The following HS3ST4 variants were observed in gnomAD, a reference collection of about 807,000 sequenced individuals.
The protein encoded by HS3ST4 is heparan sulfate glucosamine 3-O-sulfotransferase 4.
HS3ST4 carries 17 observed loss-of-function variants against 29.2 expected under a neutral mutation model. The ratio of observed to expected loss-of-function variants is 0.58; its 90% CI spans 0.40 to 0.87. The LOEUF is 0.87. Among genes scored for constraint, HS3ST4 ranks in the 40% least tolerant of loss-of-function variants. The pLI is 0.00. For synonymous variants in HS3ST4, 314 were observed against 285.7 expected, an observed-to-expected ratio of 1.10 and a Z score of -1.00; for missense variants, 627 against 634.5, an observed-to-expected ratio of 0.99 and a Z score of 0.13.
intron 1 of HS3ST4, among the ~76,000 whole-genome samples, chr16:25,857,894 T>TTTC (rs1967590845): frequency 1.6e-5 from 1 of 61,782 alleles, no homozygotes; most frequent in African/African-American, 6.4e-5. Flanking sequence ...TTCTTTCTTT[T>TTTC]TCTTTCTTCC....
intron 1 of HS3ST4, among the ~76,000 whole-genome samples, chr16:25,972,514 C>T (rs1023351329): frequency 6.6e-6 from 1 of 152,148 alleles, no homozygotes; most frequent in African/African-American, 2.4e-5. Context: ...TCAGTTACTC[C>T]CAAGCTGTTG....
At chr16:26,129,524 A>G (rs1899389845) in intron 1 of HS3ST4, among the ~76,000 whole-genome samples, 1 of 152,248 alleles carries the variant, frequency 6.6e-6, no homozygotes, top group Non-Finnish European at 1.5e-5. Context: ...GAGTTGTTTT[A>G]AAAATTAATA....
At chr16:25,959,056 T>G (rs1396126416) in intron 1 of HS3ST4, among the ~76,000 whole-genome samples, 1 of 151,488 alleles carries the variant, frequency 6.6e-6, no homozygotes, top group Admixed American at 6.6e-5. Context: ...ACATGAGGAG[T>G]TGGGAGTGAA....
chr16:25,694,156 G>A (rs769696828), intron 1 of HS3ST4, among the ~76,000 whole-genome samples: 3 of 152,168 alleles, frequency 2.0e-5, no homozygotes, highest in Non-Finnish European at 4.4e-5. Context: ...AATTGCAAAT[G>A]TCAAACAGAA....
chr16:25,866,367 G>A lies in HS3ST4; in HGVS notation c.734+173216G>A, dbSNP rs149733126. 2.9e-3 allele frequency among the ~76,000 whole-genome samples: 439 copies of A among 152,198 alleles called. 3 individuals carry two copies. Among genetic ancestry groups the A allele is most frequent in the African/African-American group, 0.01 (425 of 41,522 alleles). Reference sequence around the variant, plus strand: ...TTCTCTATTAAAAACAGCATTTATTGCAGCACTATTCACAATAGGAAAGAC... The same window carrying A: ...TTCTCTATTAAAAACAGCATTTATTACAGCACTATTCACAATAGGAAAGAC... On this transcript the variant is annotated intron_variant, in intron 1 of 1. Coordinates refer to ENST00000331351, the MANE Select transcript of HS3ST4 (RefSeq NM_006040.3).
At chr16:25,854,789 C>CA (rs34307442) in intron 1 of HS3ST4, among the ~76,000 whole-genome samples, 85,603 of 138,018 alleles carry the variant, frequency 0.62, 26,277 homozygotes, top group African/African-American at 0.75. Context: ...TGTTTGTTGA[C>CA]AAAAAAAAAA....
chr16:26,128,413 G>T (rs1029492474), intron 1 of HS3ST4, among the ~76,000 whole-genome samples: 2 of 152,206 alleles, frequency 1.3e-5, no homozygotes, highest in African/African-American at 4.8e-5. Flanking sequence ...TCCAGGGAGG[G>T]AAAGTCCCTG....
intron 1 of HS3ST4, among the ~76,000 whole-genome samples, chr16:25,764,594 G>A (rs1034246700): frequency 6.6e-6 from 1 of 152,196 alleles, no homozygotes. Context: ...GCTTTTGCCA[G>A]CTTGGCACAT....
chr16:25,856,312 C>T (rs1478451447), intron 1 of HS3ST4, among the ~76,000 whole-genome samples: 1 of 152,068 alleles, frequency 6.6e-6, no homozygotes, highest in Admixed American at 6.6e-5. Context: ...AAAGATTAAG[C>T]TATGATTAGG....
chr16:25,765,447 G>A (rs1966812140), intron 1 of HS3ST4, among the ~76,000 whole-genome samples: 1 of 152,164 alleles, frequency 6.6e-6, no homozygotes, highest in South Asian at 2.1e-4. Flanking sequence ...TTTAGAGCTG[G>A]GATTAGGGTA....
intron 1 of HS3ST4, among the ~76,000 whole-genome samples, chr16:26,041,326 T>A (rs1969634414): frequency 6.6e-6 from 1 of 151,748 alleles, no homozygotes; most frequent in Admixed American, 6.6e-5. Context: ...GGCAACAGAG[T>A]GAGGCTATGT....
chr16:25,975,198 T>C (rs1388417535), intron 1 of HS3ST4, among the ~76,000 whole-genome samples: 4 of 150,098 alleles, frequency 2.7e-5, no homozygotes, highest in African/African-American at 9.8e-5. Context: ...AAACAGAAGA[T>C]CAAATACAGC....
chr16:25,809,982 C>G (rs892989702), intron 1 of HS3ST4, among the ~76,000 whole-genome samples: 7 of 151,812 alleles, frequency 4.6e-5, no homozygotes, highest in African/African-American at 1.7e-4. Context: ...TCATTGATTG[C>G]TACTCATTAG....
At chr16:26,002,339 T>C (rs1296372044) in intron 1 of HS3ST4, among the ~76,000 whole-genome samples, 1 of 152,052 alleles carries the variant, frequency 6.6e-6, no homozygotes, top group Non-Finnish European at 1.5e-5. Context: ...GTGGGAACAC[T>C]TTTTTTAATG....
At chr16:26,134,114 A>G (rs1442586528) in intron 1 of HS3ST4, among the ~76,000 whole-genome samples, 1 of 152,110 alleles carries the variant, frequency 6.6e-6, no homozygotes, top group Non-Finnish European at 1.5e-5. Context: ...GGAGCTCCCA[A>G]ATAAGATAAG....
chr16:26,076,832 C>G (rs1293588805), intron 1 of HS3ST4, among the ~76,000 whole-genome samples: 1 of 152,202 alleles, frequency 6.6e-6, no homozygotes, highest in African/African-American at 2.4e-5. Context: ...TGCATTCATG[C>G]ACATTTTCTT....
chr16:25,738,598 C>T (rs1000392747), intron 1 of HS3ST4, among the ~76,000 whole-genome samples: 6 of 152,188 alleles, frequency 3.9e-5, no homozygotes, highest in Non-Finnish European at 7.4e-5. Flanking sequence ...GACAGACCCA[C>T]ACAAGAAAAG....
In HS3ST4 at chr16:25,894,425, G is replaced by C. The variant is rs147441268; in HGVS notation, c.734+201274G>C. Among the ~76,000 whole-genome samples the C allele has an allele frequency of 9.9e-5, 15 of 152,212 alleles. No homozygotes were observed. The East Asian group carries it at 2.7e-3, about 27-fold the overall frequency. On this transcript the variant is annotated intron_variant, in intron 1 of 1. Transcript: ENST00000331351. Reference sequence around the variant, plus strand: ...AAAGCAGAGTGGGAAGTTGCTAGGAGGAAAATATCCCCCGGCCCCTCTGGG... The same window carrying C: ...AAAGCAGAGTGGGAAGTTGCTAGGACGAAAATATCCCCCGGCCCCTCTGGG...
chr16:25,795,657 C>T (rs1966882488), intron 1 of HS3ST4, among the ~76,000 whole-genome samples: 1 of 152,124 alleles, frequency 6.6e-6, no homozygotes, highest in Admixed American at 6.5e-5. Flanking sequence ...TTATGTATAT[C>T]AAACTGTAGG....
Sources: gnomAD v4.1 joint callset for allele counts (sites outside exome capture counted in the v4.1 genomes callset) on GRCh38, gnomAD v4.1.1 for gene constraint, MANE v1.5 for transcripts, NCBI Gene and HGNC (gene_info 2026-07-23, HGNC 2026-07-21) for gene names.